TUBE1: variants seen among roughly 807,000 people sequenced by gnomAD.
TUBE1 encodes tubulin epsilon 1.
TUBE1 carries 34 observed loss-of-function variants against 53.5 expected under a neutral mutation model. The ratio of observed to expected loss-of-function variants is 0.64; its 90% CI spans 0.48 to 0.85. The LOEUF is 0.85. TUBE1 is among the 40% of genes least tolerant of loss of function. The pLI is 0.00. For synonymous variants in TUBE1, 177 were observed against 198.4 expected (o/e 0.89, Z 0.91); for missense variants, 532 against 570.5 (o/e 0.93, Z 0.69).
At chr6:112,085,459 A>C (rs1446217706) in intron 3 of TUBE1, 1 of 328,564 alleles carries the variant, frequency 3.0e-6, no homozygotes, top group East Asian at 7.7e-5. Flanking sequence ...TGTAATACTC[A>C]ATGTAAGCGT....
At position 112,087,307 on chromosome 6, in the gene TUBE1, C is replaced by G; in HGVS notation, c.26-1G>C. On this transcript the variant is annotated splice_acceptor_variant, in intron 1 of 11. Transcript: ENST00000368662. LOFTEE classifies it high-confidence loss of function. ...CCGATCTGGTTTCCGCACTGGCCGA[C>G]TGCGACCGGAGGAGAGGAAGGAAAG... 6.4e-7 allele frequency: 1 copy of G among 1,552,340 alleles called. No individual in the cohort carries two copies. Among genetic ancestry groups the G allele is most frequent in the East Asian group, 2.4e-5 (1 of 40,998 alleles).
Position 112,076,324 on chromosome 6 carries a change from G to T in TUBE1, c.634C>A (p.Gln212Lys). 6.4e-7 allele frequency: 1 copy of T among 1,562,604 alleles called. No homozygotes were observed. The highest frequency in any genetic ancestry group is 1.2e-5 in the South Asian group (1 of 82,970). The change falls in exon 7 of 12, where the codon CAA becomes AAA. Residue 212 changes from glutamine to lysine, a missense_variant and splice_region_variant. By Grantham distance (53) the Gln-to-Lys change is moderately conservative (BLOSUM62 1). Coordinates refer to ENST00000368662, the MANE Select transcript of TUBE1 (RefSeq NM_016262.5). Reference protein sequence around the residue: ...HADCVLPIDNQSLFDIISKID... With the variant: ...HADCVLPIDNKSLFDIISKID... ...TAAGTTCCAATGTCATTTCTTACTT[G>T]ATTGTCAATGGGCAATACACAGTCT...
Position 112,071,540 on chromosome 6 carries a change from C to T in TUBE1, c.1300G>A (p.Gly434Arg). ...TCTGTGAAACAGCTTTCTTCCATCC[C>T]TTCAACTTGTAGATAGTGATGAAGG... ...AHLHHYLQVE[G>R]MEESCFTEAV... The change falls in exon 12 of 12, where the codon GGG becomes AGG. Residue 434 changes from glycine to arginine, a missense_variant. By Grantham distance (125) the Gly-to-Arg change is moderately radical (BLOSUM62 -2). Transcript: ENST00000368662. 4 of 1,611,148 alleles carry T rather than the reference C, an allele frequency of 2.5e-6. No homozygotes were observed. The highest frequency in any genetic ancestry group is 3.4e-6 in the Non-Finnish European group (4 of 1,178,360).
chr6:112,075,717 TATG>T (rs1776953653), intron 8 of TUBE1: 1 of 381,602 alleles, frequency 2.6e-6, no homozygotes, highest in Non-Finnish European at 4.6e-6. Flanking sequence ...TTTTACATCA[TATG>T]ATATCTGTTC....
At chr6:112,078,636 T>G (rs1777014662) in intron 6 of TUBE1, 1 of 152,084 alleles carries the variant, frequency 6.6e-6, no homozygotes, top group East Asian at 1.9e-4. Context: ...TTTGCTATTT[T>G]AAGTGAATTG....
intron 5 of TUBE1, 37 bp downstream of exon 5, chr6:112,081,055 T>C (rs954984930): frequency 7.8e-7 from 1 of 1,278,396 alleles, no homozygotes; most frequent in African/African-American, 1.5e-5. Context: ...CTCATTTTTT[T>C]CAGAAGATAT....
chr6:112,072,129 T>G, intron 10 of TUBE1, 53 bp from the exon 11 acceptor site: 1 of 1,400,514 alleles, frequency 7.1e-7, no homozygotes, highest in Non-Finnish European at 9.7e-7. Context: ...ACTAAAAATG[T>G]CTGCCATATA....
In TUBE1 at chr6:112,071,528, T is replaced by A; in HGVS notation, c.1312A>T (p.Ser438Cys). The change falls in exon 12 of 12, where the codon AGC becomes TGC. Residue 438 changes from serine to cysteine, a missense_variant. Coordinates refer to ENST00000368662, the MANE Select transcript of TUBE1 (RefSeq NM_016262.5). ...GATGACACAGCTTCTGTGAAACAGC[T>A]TTCTTCCATCCCTTCAACTTGTAGA... ...HYLQVEGMEE[S>C]CFTEAVSSLS... 1 of 1,612,210 alleles carries A rather than the reference T, an allele frequency of 6.2e-7. No homozygotes were observed. Among genetic ancestry groups the A allele is most frequent in the Non-Finnish European group, 8.5e-7 (1 of 1,178,948 alleles).
rs587610135 is a variant in TUBE1 at position 112,075,076 on chromosome 6, T to C, written c.813-226A>G. Reference sequence around the variant, plus strand: ...ACATTTTTTTTTTCTTTCTTTTTTTTTTTTTTTTGAGACAGGGTCTCGCTC... The same window carrying C: ...ACATTTTTTTTTTCTTTCTTTTTTTCTTTTTTTTGAGACAGGGTCTCGCTC... On this transcript the variant is annotated intron_variant, in intron 8 of 11. Transcript: ENST00000368662. 9.3e-3 allele frequency: 2,233 copies of C among 240,168 alleles called. 75 individuals are homozygous for C. The highest frequency in any genetic ancestry group is 0.05 in the African/African-American group (2,140 of 42,806). The allele number at this position is 240,168 out of a possible 1,614,324, so 14.9% of individuals were successfully genotyped here.
chr6:112,084,093 C>T, intron 4 of TUBE1, 96 bp downstream of exon 4: 1 of 1,013,650 alleles, frequency 9.9e-7, no homozygotes, highest in Non-Finnish European at 1.5e-6. Flanking sequence ...TTTTTTTCTA[C>T]TTTGAAAAGT....
rs1554317545 is a variant in TUBE1 at position 112,087,358 on chromosome 6, T to G, written c.25+52A>C. The G allele has an allele frequency of 1.9e-6, 3 of 1,551,300 alleles. No individual in the cohort carries two copies. In the Admixed American group the frequency reaches 5.9e-5, roughly 30 times the overall value. ...AGAATAGGACATTAAGCAGGAAACA[T>G]GGCCGCTGGATTCCGCGGCGACCAG... is the stretch of plus-strand genomic sequence containing the variant. On this transcript the variant is annotated intron_variant, in intron 1 of 11. Coordinates refer to ENST00000368662, the MANE Select transcript of TUBE1 (RefSeq NM_016262.5).
chr6:112,074,314 A>G (rs1357481908), intron 9 of TUBE1, among the ~76,000 whole-genome samples: 1 of 152,030 alleles, frequency 6.6e-6, no homozygotes, highest in African/African-American at 2.4e-5. Flanking sequence ...CAGTAGCTTT[A>G]AAACAAACTC....
chr6:112,071,486 G>C lies in TUBE1; in HGVS notation c.1354C>G (p.Gln452Glu). The change falls in exon 12 of 12, where the codon CAG becomes GAG. Residue 452 changes from glutamine to glutamate, a missense_variant. Coordinates refer to ENST00000368662, the MANE Select transcript of TUBE1 (RefSeq NM_016262.5). Reference sequence around the variant, plus strand: ...GTGGCGTCCAGTTGGTCATATTCCTGTATGAGTGCTGATAAAGATGACACA... The same window carrying C: ...GTGGCGTCCAGTTGGTCATATTCCTCTATGAGTGCTGATAAAGATGACACA... ...EAVSSLSALI[Q>E]EYDQLDATKN... 1.2e-6 allele frequency: 2 copies of C among 1,612,672 alleles called. No individual in the cohort carries two copies. Among genetic ancestry groups the C allele is most frequent in the Non-Finnish European group, 1.7e-6 (2 of 1,179,142 alleles).
chr6:112,072,602 TGAA>T (rs1776887826), intron 10 of TUBE1, among the ~76,000 whole-genome samples, 153 bp downstream of exon 10: 1 of 152,114 alleles, frequency 6.6e-6, no homozygotes, highest in Non-Finnish European at 1.5e-5. Flanking sequence ...ATTTTACACT[TGAA>T]GAAAACAAGG....
chr6:112,085,840 A>G (rs959569966), intron 3 of TUBE1: 1 of 379,510 alleles, frequency 2.6e-6, no homozygotes, highest in Admixed American at 3.2e-5. Flanking sequence ...CGAGATGCCA[A>G]TGACACTTCT....
Position 112,087,324 on chromosome 6 carries a change from G to A in TUBE1, c.26-18C>T, listed in dbSNP as rs1366667144. Reference sequence around the variant, plus strand: ...CTGGCCGACTGCGACCGGAGGAGAGGAAGGAAAGAGAATAGGACATTAAGC... The same window carrying A: ...CTGGCCGACTGCGACCGGAGGAGAGAAAGGAAAGAGAATAGGACATTAAGC... On this transcript the variant is annotated intron_variant, in intron 1 of 11. Transcript: ENST00000368662. 5 of 1,551,848 alleles carry A rather than the reference G, an allele frequency of 3.2e-6. No individual in the cohort carries two copies. The African/African-American group carries it at 4.1e-5, about 13-fold the overall frequency.
chr6:112,081,080 G>A lies in TUBE1; in HGVS notation c.326+12C>T. 6.8e-7 allele frequency: 1 copy of A among 1,478,696 alleles called. No homozygotes were observed. Among genetic ancestry groups the A allele is most frequent in the Non-Finnish European group, 9.4e-7 (1 of 1,065,420 alleles). The allele number at this position is 1,478,696 out of a possible 1,614,324, so 91.6% of individuals were successfully genotyped here. On this transcript the variant is annotated intron_variant, in intron 5 of 11. Transcript: ENST00000368662. ...TCAGAAGATATTCAATTTTTACGCTGTGTATTCTCACCAATTATTTCCTGA... is the reference window on the plus strand; with the variant it reads ...TCAGAAGATATTCAATTTTTACGCTATGTATTCTCACCAATTATTTCCTGA...
chr6:112,081,799 G>GAA (rs66773667), intron 4 of TUBE1, among the ~76,000 whole-genome samples: 2 of 105,586 alleles, frequency 1.9e-5, no homozygotes, highest in Middle Eastern at 5.0e-3. Flanking sequence ...ATTAATTATG[G>GAA]AAAAAAAAAA....
At chr6:112,083,447 C>T (rs780716676) in intron 4 of TUBE1, among the ~76,000 whole-genome samples, 3 of 151,664 alleles carry the variant, frequency 2.0e-5, no homozygotes, top group Non-Finnish European at 4.4e-5. Context: ...GCCTCCCGAG[C>T]AGCTAGGACT....
Sources: allele counts gnomAD v4.1 joint callset (sites outside exome capture counted in the v4.1 genomes callset), GRCh38; gene constraint gnomAD v4.1.1; transcripts MANE v1.5; gene names NCBI Gene and HGNC (gene_info 2026-07-23, HGNC 2026-07-21).